Variants in USP37 observed in about 807,000 individuals in gnomAD.
USP37 encodes ubiquitin carboxyl-terminal hydrolase 37.
USP37 carries 27 observed loss-of-function variants against 124.0 expected under a neutral mutation model. The observed-to-expected ratio is 0.22, with a 90% confidence interval of 0.16 to 0.30. The LOEUF is 0.30. Ranked by LOEUF, USP37 falls within the 10% of genes least tolerant of loss-of-function variation. The pLI is 1.00. For missense variants in USP37, 889 were observed against 1,140.4 expected (o/e 0.78, Z 3.17); for synonymous variants, 365 against 388.0 (o/e 0.94, Z 0.70).
chr2:218,481,090 T>A (rs1330685626), intron 17 of USP37, among the ~76,000 whole-genome samples: 1 of 152,210 alleles, frequency 6.6e-6, no homozygotes, highest in Non-Finnish European at 1.5e-5. Flanking sequence ...CAAACTAGTG[T>A]TCAAGTATAG....
chr2:218,454,927 T>C lies in USP37; in HGVS notation c.*3A>G. The stretch of plus-strand genomic sequence containing the variant: ...GCATGCTGCCAACCCAGGAGTTTGT[T>C]CCTCACAAGGCCTGACGGGTAGTCT... On this transcript the variant is annotated 3_prime_UTR_variant, in exon 26 of 26. Transcript: ENST00000258399. 6.2e-7 allele frequency: 1 copy of C among 1,613,908 alleles called. No individual in the cohort carries two copies. The highest frequency in any genetic ancestry group is 8.5e-7 in the Non-Finnish European group (1 of 1,179,970).
intron 10 of USP37, among the ~76,000 whole-genome samples, chr2:218,512,276 G>A (rs549467086): frequency 2.1e-4 from 32 of 152,240 alleles, no homozygotes; most frequent in Non-Finnish European, 4.0e-4. Context: ...GGAGGCCAAC[G>A]GAGGCGCATC....
At chr2:218,558,701 C>A (rs369478141) in intron 3 of USP37, 24 bp from the exon 4 acceptor site, 1 of 1,524,950 alleles carries the variant, frequency 6.6e-7, no homozygotes, top group East Asian at 2.3e-5. Flanking sequence ...CAAAAATATA[C>A]CTTTACCTGG....
chr2:218,460,338 T>C (rs904501561), intron 22 of USP37, among the ~76,000 whole-genome samples: 1 of 151,964 alleles, frequency 6.6e-6, no homozygotes, highest in Non-Finnish European at 1.5e-5. Context: ...CATTTTATCA[T>C]TCTAAGAAAA....
intron 11 of USP37, 115 bp downstream of exon 11, chr2:218,509,864 A>G: frequency 9.8e-7 from 1 of 1,018,532 alleles, no homozygotes. Context: ...TAAGTGATCT[A>G]ATTTCTAAAT....
At chr2:218,558,821 G>A (rs1344550257) in intron 3 of USP37, 144 bp from the exon 4 acceptor site, 13 of 567,922 alleles carry the variant, frequency 2.3e-5, no homozygotes, top group Admixed American at 3.4e-5. Context: ...CATGTGTCCA[G>A]TACTGTATTT....
intron 9 of USP37, among the ~76,000 whole-genome samples, chr2:218,534,314 T>C (rs1263201926): frequency 2.6e-5 from 4 of 152,010 alleles, no homozygotes; most frequent in Non-Finnish European, 4.4e-5. Flanking sequence ...TATGGTGAAA[T>C]CTCGTCTCCA....
chr2:218,505,320 A>G (rs923784433), intron 11 of USP37, among the ~76,000 whole-genome samples: 1 of 152,160 alleles, frequency 6.6e-6, no homozygotes, highest in African/African-American at 2.4e-5. Flanking sequence ...TGCCCAGCTG[A>G]CATAATGTTT....
intron 23 of USP37, 65 bp downstream of exon 23, chr2:218,459,725 G>T: frequency 1.4e-6 from 2 of 1,405,494 alleles, no homozygotes; most frequent in Middle Eastern, 3.7e-4. Flanking sequence ...TGGGGCCTTT[G>T]AAGTAAAGAG....
chr2:218,453,043 T>C lies in USP37; in HGVS notation c.*1887A>G, dbSNP rs977258292. On this transcript the variant is annotated 3_prime_UTR_variant, in exon 26 of 26. Transcript: ENST00000258399. ...CACTCTACCATTTTGGAACATTCAT[T>C]ACAATAAGGTATATAGGTAGATGGT... 1.3e-5 allele frequency: 2 copies of C among 152,212 alleles called. No individual in the cohort carries two copies. The highest frequency in any genetic ancestry group is 4.8e-5 in the African/African-American group (2 of 41,452). 9.4% of individuals were successfully genotyped at this position (152,212 alleles called of 1,614,324 possible).
At position 218,454,690 on chromosome 2, in the gene USP37, A is replaced by C; in HGVS notation, c.*240T>G. On this transcript the variant is annotated 3_prime_UTR_variant, in exon 26 of 26. Transcript: ENST00000258399. ...TATTTACAACATGTATTCCTAAGAC[A>C]AAAGAAGTGCCACTCATAGGAGAAA... 1.6e-6 allele frequency: 1 copy of C among 636,826 alleles called. No homozygotes were observed. The highest frequency in any genetic ancestry group is 2.5e-6 in the Non-Finnish European group (1 of 401,682). The allele number at this position is 636,826 out of a possible 1,614,324, so 39.4% of individuals were successfully genotyped here.
intron 10 of USP37, among the ~76,000 whole-genome samples, chr2:218,514,968 G>A (rs994546215): frequency 1.3e-5 from 2 of 151,982 alleles, no homozygotes; most frequent in African/African-American, 4.8e-5. Flanking sequence ...ACCCTTTCAG[G>A]TTGGCTCCTG....
At chr2:218,462,639 G>A (rs1180710840) in intron 22 of USP37, among the ~76,000 whole-genome samples, 3 of 152,054 alleles carry the variant, frequency 2.0e-5, no homozygotes, top group African/African-American at 4.8e-5. Context: ...TCTAGGAGTC[G>A]TAACAGTGGC....
chr2:218,481,770 C>T (rs756279059), intron 17 of USP37, among the ~76,000 whole-genome samples: 1 of 151,608 alleles, frequency 6.6e-6, no homozygotes, highest in South Asian at 2.1e-4. Flanking sequence ...ATCCTCCCAC[C>T]TCAGCCTCGA....
At chr2:218,538,606 T>C (rs1691792342) in intron 8 of USP37, among the ~76,000 whole-genome samples, 1 of 152,116 alleles carries the variant, frequency 6.6e-6, no homozygotes, top group African/African-American at 2.4e-5. Context: ...ATAGAAGCTA[T>C]AAAAAATGGG....
rs1329523110 is a variant in USP37, at chr2:218,529,923, A to G, written c.863+33T>C. The G allele has an allele frequency of 2.0e-6, 3 of 1,480,978 alleles. No individual in the cohort carries two copies. The South Asian group carries it at 3.6e-5, about 18-fold the overall frequency. The allele number at this position is 1,480,978 out of a possible 1,614,324, so 91.7% of individuals were successfully genotyped here. Reference sequence around the variant, plus strand: ...ATATTCTGAAAAAAAAAGAACTCCTAAGTTTTTCACAAGTAATATAACCAA... The same window carrying G: ...ATATTCTGAAAAAAAAAGAACTCCTGAGTTTTTCACAAGTAATATAACCAA... On this transcript the variant is annotated intron_variant, in intron 10 of 25. Transcript: ENST00000258399.
At chr2:218,463,214 AC>A in intron 22 of USP37, 91 bp downstream of exon 22, 1 of 601,150 alleles carries the variant, frequency 1.7e-6, no homozygotes, top group Non-Finnish European at 2.8e-6. Flanking sequence ...ACACACACAC[AC>A]ACACACACAC....
chr2:218,511,447 T>C (rs2106004266), intron 10 of USP37, among the ~76,000 whole-genome samples: 1 of 152,344 alleles, frequency 6.6e-6, no homozygotes, highest in East Asian at 1.9e-4. Flanking sequence ...TAGCTGGGAC[T>C]ACAGGCGTGC....
At chr2:218,556,459 T>C (rs796346609) in intron 4 of USP37, among the ~76,000 whole-genome samples, 4 of 151,934 alleles carry the variant, frequency 2.6e-5, no homozygotes, top group African/African-American at 9.6e-5. Flanking sequence ...ATCTTTGTAA[T>C]GTTTTTACAG....
Sources: allele counts gnomAD v4.1 joint callset (sites outside exome capture counted in the v4.1 genomes callset), GRCh38; gene constraint gnomAD v4.1.1; transcripts MANE v1.5; gene names NCBI Gene and HGNC (gene_info 2026-07-23, HGNC 2026-07-21).